The following TAF3 variants were observed in gnomAD, a reference collection of about 807,000 sequenced individuals.
TAF3 encodes the protein transcription initiation factor TFIID subunit 3.
Under a neutral mutation model 80.6 loss-of-function variants are expected in TAF3, and 7 were observed. That is an observed-to-expected ratio of 0.09 (90% CI 0.05 to 0.16). The LOEUF (loss-of-function observed/expected upper bound fraction) is 0.16, where lower values mean the gene tolerates loss of function less well. Among genes scored for constraint, TAF3 ranks in the 10% least tolerant of loss-of-function variants. The pLI, the probability that TAF3 is intolerant of heterozygous loss-of-function variation, is 1.00. For missense variants in TAF3, 921 were observed against 1,140.2 expected (o/e 0.81, Z 2.77); for synonymous variants, 444 against 446.1 (o/e 1.00, Z 0.06).
chr10:7,953,307 A>G (rs1838102394), intron 2 of TAF3, among the ~76,000 whole-genome samples: 6 of 152,220 alleles, frequency 3.9e-5, no homozygotes, highest in Admixed American at 3.9e-4. Context: ...ACATAAATCA[A>G]GTGGTAGAGT....
chr10:8,006,281 C>T (rs10905266), intron 4 of TAF3, among the ~76,000 whole-genome samples: 46,335 of 150,864 alleles, frequency 0.31, 8,068 homozygotes, highest in Non-Finnish European at 0.38. Flanking sequence ...GAGGCTAAGG[C>T]GGGAGAATCA....
intron 4 of TAF3, among the ~76,000 whole-genome samples, chr10:7,995,821 A>C (rs76580271): frequency 6.6e-6 from 1 of 152,178 alleles, no homozygotes; most frequent in African/African-American, 2.4e-5. Context: ...TTGTGTTATA[A>C]TTATATGAAT....
At chr10:7,865,993 G>C (rs1381237465) in intron 2 of TAF3, among the ~76,000 whole-genome samples, 1 of 152,144 alleles carries the variant, frequency 6.6e-6, no homozygotes, top group African/African-American at 2.4e-5. Flanking sequence ...CTTGACTTTC[G>C]TTTTACCCAA....
At chr10:7,937,968 A>T (rs1418722902) in intron 2 of TAF3, among the ~76,000 whole-genome samples, 3 of 152,188 alleles carry the variant, frequency 2.0e-5, no homozygotes, top group Admixed American at 6.5e-5. Context: ...AATGGGGTTT[A>T]TATTGAGGGC....
Position 7,965,253 on chromosome 10 carries a change from A to G in TAF3, c.1743A>G (p.Lys581=). The change falls in exon 3 of 7, where the codon AAA becomes AAG. Residue 581 remains lysine, a synonymous_variant. Coordinates refer to ENST00000344293, the MANE Select transcript of TAF3 (RefSeq NM_031923.4). ...AGTATCCCTGGAAGGAATTTCTTAA[A>G]GAGGAAGAGGCAGATCCCTACAAGT... is the stretch of plus-strand genomic sequence containing the variant. ...ETKYPWKEFL[K]EEEADPYKFK... The G allele has an allele frequency of 6.2e-7, 1 of 1,608,780 alleles. No individual in the cohort carries two copies. The highest frequency in any genetic ancestry group is 1.3e-5 in the African/African-American group (1 of 74,552).
intron 2 of TAF3, among the ~76,000 whole-genome samples, chr10:7,879,264 T>G (rs1308543182): frequency 1.3e-5 from 2 of 152,176 alleles, no homozygotes; most frequent in African/African-American, 4.8e-5. Flanking sequence ...CCAATTATAG[T>G]TAAACTGTAT....
At chr10:7,853,176 T>A (rs1233379225) in intron 2 of TAF3, among the ~76,000 whole-genome samples, 1 of 152,208 alleles carries the variant, frequency 6.6e-6, no homozygotes, top group African/African-American at 2.4e-5. Context: ...AAAAATCATA[T>A]AAACTTATAA....
intron 2 of TAF3, among the ~76,000 whole-genome samples, chr10:7,912,261 T>A (rs1837663552): frequency 6.6e-6 from 1 of 152,176 alleles, no homozygotes; most frequent in South Asian, 2.1e-4. Flanking sequence ...ATGGTTTAGT[T>A]TTTTTATTAA....
chr10:7,974,320 TA>T (rs1217890791), intron 3 of TAF3, among the ~76,000 whole-genome samples: 1 of 152,086 alleles, frequency 6.6e-6, no homozygotes, highest in African/African-American at 2.4e-5. Flanking sequence ...TGATGTTGGC[TA>T]GGGGGAAGGG....
chr10:7,952,126 T>C (rs1218223016), intron 2 of TAF3, among the ~76,000 whole-genome samples: 2 of 152,234 alleles, frequency 1.3e-5, no homozygotes, highest in African/African-American at 4.8e-5. Context: ...ATTATAAATT[T>C]GATTTGCACA....
At position 7,947,661 on chromosome 10, in the gene TAF3, T is replaced by G. The variant is rs115744059; in HGVS notation, c.410-16259T>G. 4.3e-3 allele frequency among the ~76,000 whole-genome samples: 648 copies of G among 152,218 alleles called. 4 individuals are homozygous for G. Among genetic ancestry groups the G allele is most frequent in the African/African-American group, 0.015 (619 of 41,528 alleles). On this transcript the variant is annotated intron_variant, in intron 2 of 6. Coordinates refer to ENST00000344293, the MANE Select transcript of TAF3 (RefSeq NM_031923.4). ...GCGTTGGGGAGAAGCTTGGTGAGTT[T>G]GAGAAGCATCGAAGATGCCAGCATG...
chr10:7,942,597 G>A (rs2131397562), intron 2 of TAF3, among the ~76,000 whole-genome samples: 1 of 152,278 alleles, frequency 6.6e-6, no homozygotes, highest in South Asian at 2.1e-4. Context: ...GCGAGTCCTA[G>A]GACATTGCTG....
intron 4 of TAF3, among the ~76,000 whole-genome samples, chr10:7,994,505 G>C (rs749807461): frequency 3.9e-5 from 6 of 152,194 alleles, no homozygotes; most frequent in Non-Finnish European, 7.4e-5. Flanking sequence ...TTACTGTTAC[G>C]TATTTATTTA....
intron 2 of TAF3, among the ~76,000 whole-genome samples, chr10:7,902,538 T>C (rs1040440192): frequency 6.6e-6 from 1 of 152,224 alleles, no homozygotes; most frequent in African/African-American, 2.4e-5. Flanking sequence ...AAAACGTTTC[T>C]CAGGGTTTTC....
At position 7,965,270 on chromosome 10, in the gene TAF3, C is replaced by T. The variant is rs748985630; in HGVS notation, c.1760C>T (p.Pro587Leu). 1 of 1,608,266 alleles carries T rather than the reference C, an allele frequency of 6.2e-7. No individual in the cohort carries two copies. The highest frequency in any genetic ancestry group is 8.5e-7 in the Non-Finnish European group (1 of 1,178,746). Residue 587 changes from proline to leucine, a missense_variant, in exon 3 of 7, where the codon CCC becomes CTC. By Grantham distance (98) the Pro-to-Leu change is moderately conservative (BLOSUM62 -3). This residue lies in a region of TAF3 where 743 missense variants were observed against 821.0 expected (regional missense o/e 0.90). Coordinates refer to ENST00000344293, the MANE Select transcript of TAF3 (RefSeq NM_031923.4). The stretch of plus-strand genomic sequence containing the variant: ...TTTCTTAAAGAGGAAGAGGCAGATC[C>T]CTACAAGTTTAAAATCAAAGAATTT... ...KEFLKEEEADPYKFKIKEFED... is the reference protein window; with the variant it reads ...KEFLKEEEADLYKFKIKEFED...
At chr10:7,998,284 T>A (rs1281412156) in intron 4 of TAF3, among the ~76,000 whole-genome samples, 2 of 143,446 alleles carry the variant, frequency 1.4e-5, no homozygotes, top group African/African-American at 2.5e-5. Flanking sequence ...TATATATATA[T>A]AAATTTAAAA....
chr10:7,933,966 C>T (rs1837893079), intron 2 of TAF3, among the ~76,000 whole-genome samples: 1 of 152,184 alleles, frequency 6.6e-6, no homozygotes. Context: ...TCACCGCCTG[C>T]ACACATGCAC....
At chr10:7,996,842 A>ATTTTTTTTTTTT (rs34866346) in intron 4 of TAF3, among the ~76,000 whole-genome samples, 2 of 131,922 alleles carry the variant, frequency 1.5e-5, no homozygotes, top group Non-Finnish European at 1.6e-5. Context: ...ACCACACTCT[A>ATTTTTTTTTTTT]TTTTTTTTTT....
intron 2 of TAF3, among the ~76,000 whole-genome samples, chr10:7,937,286 T>A (rs1159919207): frequency 6.6e-6 from 1 of 152,204 alleles, no homozygotes; most frequent in African/African-American, 2.4e-5. Flanking sequence ...GCTGTATCAT[T>A]TTGCATTTCC....
Sources: allele counts gnomAD v4.1 joint callset (sites outside exome capture counted in the v4.1 genomes callset), GRCh38; gene constraint gnomAD v4.1.1; regional missense constraint gnomAD v4.1.1; transcripts MANE v1.5; gene names NCBI Gene and HGNC (gene_info 2026-07-23, HGNC 2026-07-21).